NDRG4: variants seen among roughly 807,000 people sequenced by gnomAD.
NDRG4 encodes NDRG family member 4, also known as protein NDRG4.
NDRG4 carries 38 observed loss-of-function variants against 55.8 expected under a neutral mutation model. That is an observed-to-expected ratio of 0.68 (90% CI 0.53 to 0.89). The LOEUF is 0.89. NDRG4 is among the 40% of genes least tolerant of loss of function. NDRG4 has a pLI of 0.00. For missense variants in NDRG4, 455 were observed against 468.6 expected, an observed-to-expected ratio of 0.97 and a Z score of 0.27; for synonymous variants, 190 against 182.7, an observed-to-expected ratio of 1.04 and a Z score of -0.32.
rs758756641 is a variant in NDRG4 at position 58,504,625 on chromosome 16, A to G, written c.348A>G (p.Gly116=). ...KYVIGIGVGA[G]AYVLAKFALI... ...TGATTGGCATCGGAGTGGGCGCCGG[A>G]GCCTATGTGCTGGCCAAGTTTGCAG... The change falls in exon 5 of 15, where the codon GGA becomes GGG. Residue 116 remains glycine (G), a synonymous_variant. Coordinates refer to ENST00000570248, the MANE Select transcript of NDRG4 (RefSeq NM_001242835.2). 6.2e-7 allele frequency: 1 copy of G among 1,614,176 alleles called. No homozygotes were observed.
chr16:58,507,774 C>G, intron 8 of NDRG4, 34 bp from the exon 9 acceptor site: 1 of 1,608,206 alleles, frequency 6.2e-7, no homozygotes, highest in Non-Finnish European at 8.5e-7. Context: ...CTGGGGTGCC[C>G]ACCTCTGCCT....
chr16:58,505,100 A>G (rs1033477024), intron 5 of NDRG4, among the ~76,000 whole-genome samples: 49 of 152,350 alleles, frequency 3.2e-4, no homozygotes, highest in East Asian at 5.8e-4. Context: ...CTGTAATCCC[A>G]GCACTTTGGG....
intron 1 of NDRG4, chr16:58,465,176 C>T (rs2031344402): frequency 2.5e-6 from 3 of 1,187,598 alleles, no homozygotes; most frequent in South Asian, 1.3e-5. Flanking sequence ...AACCCGGTTT[C>T]CTCCAGCTCT....
At chr16:58,506,038 T>TA (rs1458294079) in intron 5 of NDRG4, 1 of 400,054 alleles carries the variant, frequency 2.5e-6, no homozygotes, top group East Asian at 6.4e-5. Flanking sequence ...TCATTCTCTA[T>TA]AAAAGCAAAA....
At position 58,464,372 on chromosome 16, in the gene NDRG4, T is replaced by A; in HGVS notation, c.-24+575T>A. On this transcript the variant is annotated intron_variant, in intron 1 of 15. Transcript: ENST00000258187. The surrounding 1 kb of genome is among the most constrained non-coding windows in gnomAD (Gnocchi z 4.8). ...GGTCTCCCGCGCTCCTCTCCCCGGC[T>A]CGGCCGAGCGCGCTGCCCCGACGCC... The A allele has an allele frequency of 7.4e-7, 1 of 1,354,702 alleles. No individual in the cohort carries two copies. 83.9% of individuals were successfully genotyped at this position (1,354,702 alleles called of 1,614,324 possible).
At chr16:58,478,225 C>G (rs1351252885) in intron 1 of NDRG4, among the ~76,000 whole-genome samples, 1 of 152,016 alleles carries the variant, frequency 6.6e-6, no homozygotes, top group Non-Finnish European at 1.5e-5. Flanking sequence ...CCTGTTTCTA[C>G]TAAAAATTCA....
At chr16:58,482,695 TCCTC>T (rs1333311688) in intron 1 of NDRG4, among the ~76,000 whole-genome samples, 119 of 131,850 alleles carry the variant, frequency 9.0e-4, no homozygotes, top group Non-Finnish European at 1.6e-3. Flanking sequence ...CTCCCTTCCT[TCCTC>T]CCTCCCTCCT....
At chr16:58,514,464 C>T (rs995896414), downstream of NDRG4, among the ~76,000 whole-genome samples, 5 of 138,506 alleles carry the variant, frequency 3.6e-5, no homozygotes, top group African/African-American at 7.7e-5. Context: ...AGGCCGCGCG[C>T]GGTGGCTCAC....
intron 1 of NDRG4, among the ~76,000 whole-genome samples, chr16:58,473,693 A>G (rs1200652936): frequency 6.6e-6 from 1 of 152,102 alleles, no homozygotes; most frequent in Non-Finnish European, 1.5e-5. Context: ...GAACATACCC[A>G]GAAGCTGAGG....
In NDRG4 at chr16:58,464,304, G is replaced by GCTCCTGCCGCTTCGCTCCGCGCT. The variant is rs1214145971; in HGVS notation, c.-24+519_-24+541dup. On this transcript the variant is annotated intron_variant, in intron 1 of 15. Transcript: ENST00000258187. This position sits in a 1 kb window ranked among gnomAD's most constrained non-coding sequence, Gnocchi z 4.8. ...GGGAGAGCGCTCCTGGCTGTGAGCTGCTCCTGCCGCTTCGCTCCGCGCTCT... is the reference window on the plus strand; with the variant it reads ...GGGAGAGCGCTCCTGGCTGTGAGCTGCTCCTGCCGCTTCGCTCCGCGCTCTCCTGCCGCTTCGCTCCGCGCTCT... The GCTCCTGCCGCTTCGCTCCGCGCT allele has an allele frequency of 1.0e-5, 8 of 765,192 alleles. No individual in the cohort carries two copies. In the East Asian group the frequency reaches 2.4e-4, roughly 23 times the overall value. The allele number at this position is 765,192 out of a possible 1,614,324, so 47.4% of individuals were successfully genotyped here. A position where few individuals can be genotyped will look rare whatever the true frequency, so the allele number is the denominator to read the frequency against.
chr16:58,474,028 CTTTTTTTTTTTTTT>C lies in NDRG4; in HGVS notation c.-24+10244_-24+10257del, dbSNP rs1168834628. ...GTTTTTTCACTTTTCTTTTCTTTCC[CTTTTTTTTTTTTTT>C]TTTTTTTTTTTTGAGAGAGAATCTC... On this transcript the variant is annotated intron_variant, in intron 1 of 15. Transcript: ENST00000258187. Among the ~76,000 whole-genome samples the C allele has an allele frequency of 2.8e-4, 28 of 101,206 alleles. No individual in the cohort carries two copies. In the East Asian group the frequency reaches 7.6e-3, roughly 27 times the overall value. The allele number at this position is 101,206 out of a possible 152,430, so 66.4% of individuals were successfully genotyped here.
intron 1 of NDRG4, chr16:58,487,732 C>T (rs1469168505): frequency 6.7e-7 from 1 of 1,500,054 alleles, no homozygotes. Context: ...CGCAGCAGGC[C>T]TCAACCTCGC....
intron 1 of NDRG4, among the ~76,000 whole-genome samples, chr16:58,478,699 T>TTTTG (rs1555528527): frequency 1.5e-4 from 21 of 144,786 alleles, no homozygotes; most frequent in Non-Finnish European, 2.4e-4. Context: ...TGTTTTTTGT[T>TTTTG]TTTTTTTTTT....
At chr16:58,491,303 C>G (rs1597196565) in intron 2 of NDRG4, among the ~76,000 whole-genome samples, 2 of 152,044 alleles carry the variant, frequency 1.3e-5, no homozygotes, top group Non-Finnish European at 2.9e-5. Flanking sequence ...ACCCCACACC[C>G]GACACAGCCT....
At chr16:58,485,761 G>A (rs1597153567) in intron 1 of NDRG4, among the ~76,000 whole-genome samples, 1 of 152,296 alleles carries the variant, frequency 6.6e-6, no homozygotes, top group Non-Finnish European at 1.5e-5. Flanking sequence ...CATGGCACGT[G>A]CACAGGGACC....
chr16:58,506,821 C>T, intron 7 of NDRG4, 91 bp from the exon 8 acceptor site: 1 of 1,325,600 alleles, frequency 7.5e-7, no homozygotes, highest in Non-Finnish European at 1.1e-6. Flanking sequence ...GGGGCAAGGG[C>T]CACTCTGGCA....
At chr16:58,495,732 C>T (rs145114566), upstream of NDRG4, among the ~76,000 whole-genome samples, 413 of 152,346 alleles carry the variant, frequency 2.7e-3, 3 homozygotes, top group African/African-American at 9.4e-3. Context: ...GTGTGAGAAT[C>T]TGGGCCTGTG....
intron 1 of NDRG4, chr16:58,501,691 C>T (rs1435146535): frequency 7.5e-6 from 2 of 265,108 alleles, no homozygotes; most frequent in Non-Finnish European, 1.6e-5. Flanking sequence ...AGCCCGGTGA[C>T]GCCCAGGCCC....
intron 2 of NDRG4, among the ~76,000 whole-genome samples, chr16:58,489,418 A>G (rs1018064341): frequency 2.2e-4 from 34 of 151,750 alleles, no homozygotes; most frequent in African/African-American, 8.2e-4. Flanking sequence ...CTCCTTGAAC[A>G]TGCCCATCAT....
Sources: gnomAD v4.1 joint callset for allele counts (sites outside exome capture counted in the v4.1 genomes callset) on GRCh38, gnomAD v4.1.1 for gene constraint, Gnocchi (gnomAD v3.1) non-coding constraint, MANE v1.5 for transcripts, NCBI Gene and HGNC (gene_info 2026-07-23, HGNC 2026-07-21) for gene names.